Variants in ANKH observed in about 807,000 individuals in gnomAD.
The protein encoded by ANKH is mineralization regulator ANKH.
ANKH carries 15 observed loss-of-function variants against 49.0 expected under a neutral mutation model. The ratio of observed to expected loss-of-function variants is 0.31; its 90% CI spans 0.20 to 0.47. ANKH has a LOEUF of 0.47. ANKH is among the 20% of genes least tolerant of loss of function. The pLI is 1.00. For synonymous variants in ANKH, 273 were observed against 260.0 expected (o/e 1.05, Z -0.48); for missense variants, 429 against 652.0 (o/e 0.66, Z 3.72).
At position 14,713,969 on chromosome 5, in the gene ANKH, C is replaced by G. The variant is rs1737343325; in HGVS notation, c.1142-302G>C. Among the ~76,000 whole-genome samples, 1 of 152,250 alleles carries G rather than the reference C, an allele frequency of 6.6e-6. No individual in the cohort carries two copies. Among genetic ancestry groups the G allele is most frequent in the African/African-American group, 2.4e-5 (1 of 41,474 alleles). On this transcript the variant is annotated intron_variant, in intron 9 of 11. Transcript: ENST00000284268. This position sits in a 1 kb window ranked among gnomAD's most constrained non-coding sequence, Gnocchi z 4.4. ...CCTAGCTGCTCTTGTCCAGTCCTGT[C>G]CCCACACTTGGCCAGCCTCGCCCTC... is the stretch of plus-strand genomic sequence containing the variant.
chr5:14,736,657 C>T (rs184394169), intron 8 of ANKH, among the ~76,000 whole-genome samples: 31 of 152,336 alleles, frequency 2.0e-4, no homozygotes, highest in Admixed American at 3.3e-4. Context: ...CTTCACGCTA[C>T]TCCACCTCTC....
chr5:14,726,868 G>A (rs250437), intron 8 of ANKH, among the ~76,000 whole-genome samples: 5 of 152,362 alleles, frequency 3.3e-5, no homozygotes, highest in African/African-American at 1.2e-4. Flanking sequence ...ACTGCCAGAA[G>A]GAATGGGCTC....
At chr5:14,738,676 C>G (rs181970083) in intron 8 of ANKH, among the ~76,000 whole-genome samples, 15 of 152,094 alleles carry the variant, frequency 9.9e-5, no homozygotes, top group Admixed American at 5.9e-4. Flanking sequence ...TGCCTCTAAT[C>G]CCAGCATTTT....
intron 2 of ANKH, among the ~76,000 whole-genome samples, chr5:14,760,830 G>A (rs1166728383): frequency 6.6e-6 from 1 of 152,164 alleles, no homozygotes; most frequent in Non-Finnish European, 1.5e-5. Context: ...GTTGAAGCTG[G>A]GGACTATGGA....
Position 14,822,958 on chromosome 5 carries a change from C to T in ANKH, c.96+48394G>A, listed in dbSNP as rs1329868805. On this transcript the variant is annotated intron_variant, in intron 1 of 11. Transcript: ENST00000284268. ...CTGAGGCAGGAGAATGGCGTGAACCCGGAAGGCGGAGCTTGCAGTGAGCCG... is the reference window on the plus strand; with the variant it reads ...CTGAGGCAGGAGAATGGCGTGAACCTGGAAGGCGGAGCTTGCAGTGAGCCG... 2.6e-5 allele frequency among the ~76,000 whole-genome samples: 4 copies of T among 151,654 alleles called. No homozygotes were observed. The East Asian group carries it at 7.7e-4, about 29-fold the overall frequency.
At chr5:14,805,361 A>C (rs1488380583) in intron 1 of ANKH, among the ~76,000 whole-genome samples, 1 of 148,044 alleles carries the variant, frequency 6.8e-6, no homozygotes, top group East Asian at 2.1e-4. Flanking sequence ...ATACTTAATA[A>C]ACTCCCCTAT....
At chr5:14,864,962 TATAAAA>T (rs1735601477) in intron 1 of ANKH, among the ~76,000 whole-genome samples, 1 of 152,064 alleles carries the variant, frequency 6.6e-6, no homozygotes, top group Non-Finnish European at 1.5e-5. Flanking sequence ...TCAATTATGT[TATAAAA>T]ATAAATCGGC....
intron 1 of ANKH, among the ~76,000 whole-genome samples, chr5:14,806,461 T>TC (rs1740712626): frequency 6.6e-6 from 1 of 152,188 alleles, no homozygotes; most frequent in Admixed American, 6.5e-5. Context: ...AACAGAACCC[T>TC]CCCTGCATGG....
chr5:14,832,371 A>C (rs1741530652), intron 1 of ANKH, among the ~76,000 whole-genome samples: 1 of 152,226 alleles, frequency 6.6e-6, no homozygotes. Context: ...ATAAGCTCCC[A>C]AAATAGCTGC....
chr5:14,825,935 C>T (rs1481748889), intron 1 of ANKH: 2 of 152,470 alleles, frequency 1.3e-5, no homozygotes, highest in Admixed American at 6.5e-5. Context: ...AGAACCCTCA[C>T]TTGAATCTGC....
At chr5:14,849,126 C>T (rs985640872) in intron 1 of ANKH, among the ~76,000 whole-genome samples, 4 of 152,220 alleles carry the variant, frequency 2.6e-5, no homozygotes, top group Non-Finnish European at 5.9e-5. Flanking sequence ...GCTATGCTTA[C>T]TTCCATCCTT....
At chr5:14,741,759 A>G (rs1398957595) in intron 8 of ANKH, 68 bp downstream of exon 8, 4 of 1,196,348 alleles carry the variant, frequency 3.3e-6, no homozygotes, top group Non-Finnish European at 5.0e-6. Context: ...TTCCCCCTTT[A>G]AAATAGCAAC....
Position 14,834,902 on chromosome 5 carries a change from T to G in ANKH, c.96+36450A>C, listed in dbSNP as rs369342516. Among the ~76,000 whole-genome samples the G allele has an allele frequency of 5.4e-4, 82 of 152,338 alleles. 1 individual carries two copies. The South Asian group carries it at 0.016, about 30-fold the overall frequency. ...ATTATTTAGAAGATTCGTGAATTAA[T>G]AGACTTATAAAGCACTCTGAGCAGT... On this transcript the variant is annotated intron_variant, in intron 1 of 11. Coordinates refer to ENST00000284268, the MANE Select transcript of ANKH (RefSeq NM_054027.6).
chr5:14,779,492 C>G (rs1170404806), intron 1 of ANKH, among the ~76,000 whole-genome samples: 2 of 152,196 alleles, frequency 1.3e-5, no homozygotes, highest in Non-Finnish European at 2.9e-5. Flanking sequence ...ACCTGACTGC[C>G]CATATCACCA....
At chr5:14,773,494 C>G (rs1163402225) in intron 1 of ANKH, among the ~76,000 whole-genome samples, 1 of 150,942 alleles carries the variant, frequency 6.6e-6, no homozygotes, top group African/African-American at 2.4e-5. Flanking sequence ...AGAGAGAGGG[C>G]CCAGGTAATG....
intron 8 of ANKH, among the ~76,000 whole-genome samples, chr5:14,717,929 G>T (rs1467718541): frequency 6.6e-6 from 1 of 152,134 alleles, no homozygotes; most frequent in Non-Finnish European, 1.5e-5. Flanking sequence ...TTTTGGATGA[G>T]GCATACTCAA....
rs900057771 is a variant in ANKH, at chr5:14,705,045, A to C, written c.*6152T>G. ...CACAAATATTTTATTTGTATTTTAG[A>C]GACGGGGTTTTGCTCTGTTGCTCAG... On this transcript the variant is annotated 3_prime_UTR_variant, in exon 12 of 12. Coordinates refer to ENST00000284268, the MANE Select transcript of ANKH (RefSeq NM_054027.6). 10 of 152,204 alleles carry C rather than the reference A, an allele frequency of 6.6e-5. No individual in the cohort carries two copies. Among genetic ancestry groups the C allele is most frequent in the African/African-American group, 2.4e-4 (10 of 41,444 alleles). 9.4% of individuals were successfully genotyped at this position (152,204 alleles called of 1,614,324 possible).
intron 8 of ANKH, among the ~76,000 whole-genome samples, chr5:14,727,748 G>A (rs1223654469): frequency 1.3e-5 from 2 of 151,928 alleles, no homozygotes; most frequent in African/African-American, 2.4e-5. Flanking sequence ...TGTTTAGTGG[G>A]TATAGGGTTT....
At chr5:14,741,714 A>C in intron 8 of ANKH, 113 bp downstream of exon 8, 1 of 782,614 alleles carries the variant, frequency 1.3e-6, no homozygotes. Context: ...ATTGCTAATT[A>C]ATCCAGCATC....
Sources: gnomAD v4.1 joint callset for allele counts (sites outside exome capture counted in the v4.1 genomes callset) on GRCh38, gnomAD v4.1.1 for gene constraint, Gnocchi (gnomAD v3.1) non-coding constraint, MANE v1.5 for transcripts, NCBI Gene and HGNC (gene_info 2026-07-23, HGNC 2026-07-21) for gene names.